NUP210: variants seen among roughly 807,000 people sequenced by gnomAD.
NUP210 encodes nucleoporin 210.
A neutral mutation model predicts 196.0 loss-of-function variants in NUP210; 151 were observed. The ratio of observed to expected loss-of-function variants is 0.77; its 90% CI spans 0.67 to 0.88. The LOEUF (loss-of-function observed/expected upper bound fraction) is 0.88. Ranked by LOEUF, NUP210 falls within the 40% of genes least tolerant of loss-of-function variation. NUP210 has a pLI of 0.00. For synonymous variants in NUP210, 1,070 were observed against 1,052.7 expected, an observed-to-expected ratio of 1.02 and a Z score of -0.32; for missense variants, 2,314 against 2,493.7, an observed-to-expected ratio of 0.93 and a Z score of 1.53.
rs1351814140 is a variant in NUP210, at chr3:13,375,581, T to G, written c.1354A>C (p.Ile452Leu). 5.6e-6 allele frequency: 9 copies of G among 1,613,950 alleles called. No homozygotes were observed. The highest frequency in any genetic ancestry group is 7.6e-6 in the Non-Finnish European group (9 of 1,179,984). Reference sequence around the variant, plus strand: ...ATGCTGGGATACAGGGTGATCGGGATGTGAATTTCCACCTCCTGCTGGTTC... The same window carrying G: ...ATGCTGGGATACAGGGTGATCGGGAGGTGAATTTCCACCTCCTGCTGGTTC... ...VWNQQEVEIH[I>L]PITLYPSILT... The change falls in exon 11 of 40, where the codon ATC becomes CTC. Residue 452 changes from isoleucine (I) to leucine (L), a missense_variant. Physicochemically the swap from Ile to Leu is conservative, Grantham distance 5 (BLOSUM62 2). Transcript: ENST00000254508.
chr3:13,343,484 A>G (rs1210777305), intron 20 of NUP210, among the ~76,000 whole-genome samples, 181 bp from the exon 21 acceptor site: 1 of 152,214 alleles, frequency 6.6e-6, no homozygotes, highest in Non-Finnish European at 1.5e-5. Context: ...AATCACCCCA[A>G]GTAGTGCCCT....
At chr3:13,416,316 A>T (rs2124969671) in intron 1 of NUP210, among the ~76,000 whole-genome samples, 1 of 152,280 alleles carries the variant, frequency 6.6e-6, no homozygotes, top group Non-Finnish European at 1.5e-5. Flanking sequence ...GTTGTTCACC[A>T]GGCAGGTCCA....
rs71066952 is a variant in NUP210 at position 13,401,259 on chromosome 3, C to CAAAAAAAAAAAA, written c.168-1410_168-1399dup. On this transcript the variant is annotated intron_variant, in intron 1 of 39. Transcript: ENST00000254508. ...TGGGCAACAGAGTGAGACTCTGGCT[C>CAAAAAAAAAAAA]AAAAAAAAAAAAAAAAAAAAAGGCA... Among the ~76,000 whole-genome samples the CAAAAAAAAAAAA allele has an allele frequency of 1.9e-3, 83 of 43,808 alleles. 12 individuals carry two copies. The highest frequency in any genetic ancestry group is 4.5e-3 in the African/African-American group (46 of 10,232). The allele number at this position is 43,808 out of a possible 152,430, so 28.7% of individuals were successfully genotyped here. A position where few individuals can be genotyped will look rare whatever the true frequency, so the allele number is the denominator to read the frequency against.
At position 13,339,966 on chromosome 3, in the gene NUP210, G is replaced by A. The variant is rs761847699; in HGVS notation, c.3359C>T (p.Ala1120Val). Reference sequence around the variant, plus strand: ...TACCAGCCCAGCAGCGCTCACCAGCGCAACGCTCTCATTGCTGATGGAGAA... The same window carrying A: ...TACCAGCCCAGCAGCGCTCACCAGCACAACGCTCTCATTGCTGATGGAGAA... ...ILFSISNESV[A>V]LVSAAGLVQG... The change falls in exon 25 of 40, where the codon GCG (alanine) becomes GTG (valine). Residue 1120 changes from alanine to valine, a missense_variant. Coordinates refer to ENST00000254508, the MANE Select transcript of NUP210 (RefSeq NM_024923.4). 1.9e-5 allele frequency: 30 copies of A among 1,613,934 alleles called. No homozygotes were observed. The Admixed American group carries it at 2.0e-4, about 11-fold the overall frequency.
At chr3:13,326,394 C>A (rs547538518) in intron 32 of NUP210, among the ~76,000 whole-genome samples, 1 of 152,262 alleles carries the variant, frequency 6.6e-6, no homozygotes, top group South Asian at 2.1e-4. Context: ...AGAGCTTTCA[C>A]CACATACACA....
In NUP210 at chr3:13,399,812, C is replaced by T. The variant is rs149619749; in HGVS notation, c.217G>A (p.Glu73Lys). 121 of 1,613,312 alleles carry T rather than the reference C, an allele frequency of 7.5e-5. 2 individuals are homozygous for T. In the East Asian group the frequency reaches 2.5e-3, roughly 34 times the overall value. ...ACTGCCTTCTGGGAGCACTGCTGCT[C>T]GTCCAGGCCCAGCGGCTCGATGCTG... Reference protein sequence around the residue: ...VASIEPLGLDEQQCSQKAVVQ... With the variant: ...VASIEPLGLDKQQCSQKAVVQ... The change falls in exon 2 of 40, where the codon GAG becomes AAG. Residue 73 changes from glutamate (E) to lysine (K), a missense_variant. Glu to Lys is a moderately conservative substitution (Grantham distance 56). Coordinates refer to ENST00000254508, the MANE Select transcript of NUP210 (RefSeq NM_024923.4).
chr3:13,362,422 A>T (rs997560244), intron 14 of NUP210, among the ~76,000 whole-genome samples: 4 of 152,180 alleles, frequency 2.6e-5, no homozygotes, highest in Admixed American at 2.0e-4. Context: ...TCTATGAGGA[A>T]GGAAGCCCTC....
chr3:13,333,685 C>T (rs1054878143), intron 28 of NUP210, among the ~76,000 whole-genome samples: 7 of 152,178 alleles, frequency 4.6e-5, no homozygotes, highest in Admixed American at 6.5e-5. Flanking sequence ...TCAGGTGAGA[C>T]GAGGCTGACT....
At chr3:13,345,423 C>T (rs1232805596) in intron 20 of NUP210, among the ~76,000 whole-genome samples, 2 of 152,198 alleles carry the variant, frequency 1.3e-5, no homozygotes, top group Non-Finnish European at 2.9e-5. Flanking sequence ...TCTCCACTTC[C>T]CAGGAGAATG....
rs547771868 is a variant in NUP210, at chr3:13,332,725, T to TCA, written c.3844-343_3844-342dup. On this transcript the variant is annotated intron_variant, in intron 28 of 39. Transcript: ENST00000254508. Reference sequence around the variant, plus strand: ...CTGAGCAACAGAGCAAGACCCTATCTCACACACACACACACACATGGCCAA... The same window carrying TCA: ...CTGAGCAACAGAGCAAGACCCTATCTCACACACACACACACACACATGGCCAA... Among the ~76,000 whole-genome samples, 335 of 106,268 alleles carry TCA rather than the reference T, an allele frequency of 3.2e-3. 2 individuals are homozygous for TCA. The highest frequency in any genetic ancestry group is 0.011 in the African/African-American group (277 of 24,440). 69.7% of individuals were successfully genotyped at this position (106,268 alleles called of 152,430 possible). A position where few individuals can be genotyped will look rare whatever the true frequency, so the allele number is the denominator to read the frequency against.
chr3:13,414,310 G>A (rs1018075523), intron 1 of NUP210, among the ~76,000 whole-genome samples: 2 of 152,226 alleles, frequency 1.3e-5, no homozygotes, highest in African/African-American at 4.8e-5. Flanking sequence ...CAGAGTGGGG[G>A]ACCCACAAAG....
intron 1 of NUP210, among the ~76,000 whole-genome samples, chr3:13,409,840 A>C (rs73813581): frequency 6.8e-6 from 1 of 147,528 alleles, no homozygotes; most frequent in East Asian, 2.0e-4. Flanking sequence ...CTGAATACTA[A>C]TTTTTTTTTT....
In NUP210 at chr3:13,350,135, C is replaced by T. The variant is rs1050936695; in HGVS notation, c.2835+1744G>A. Among the ~76,000 whole-genome samples, 15 of 152,266 alleles carry T rather than the reference C, an allele frequency of 9.9e-5. No homozygotes were observed. The South Asian group carries it at 2.7e-3, about 27-fold the overall frequency. ...GACAAAGGACATACCAAGGTGTTAT[C>T]CCCTAAGAGCAGTATCAGAGACTTC... On this transcript the variant is annotated intron_variant, in intron 20 of 39. Transcript: ENST00000254508. This position sits in a 1 kb window ranked among gnomAD's most constrained non-coding sequence, Gnocchi z 4.1.
chr3:13,418,257 T>C (rs943402576), intron 1 of NUP210, among the ~76,000 whole-genome samples: 3 of 152,248 alleles, frequency 2.0e-5, no homozygotes, highest in African/African-American at 7.2e-5. Flanking sequence ...TGCAATGGGC[T>C]GACCTAGTAC....
chr3:13,391,352 C>A (rs956753129), intron 3 of NUP210, 45 bp from the exon 4 acceptor site: 4 of 1,360,342 alleles, frequency 2.9e-6, no homozygotes, highest in Non-Finnish European at 4.1e-6. Flanking sequence ...GAGTTAATTT[C>A]CCAGGGTGGA....
At chr3:13,419,978 G>T in intron 1 of NUP210, 82 bp downstream of exon 1, 1 of 951,078 alleles carries the variant, frequency 1.1e-6, no homozygotes, top group Non-Finnish European at 1.3e-6. Flanking sequence ...GGCTCTGCCG[G>T]CCTCCCGGCG....
chr3:13,371,721 G>T, intron 13 of NUP210, 113 bp downstream of exon 13: 1 of 933,390 alleles, frequency 1.1e-6, no homozygotes, highest in Non-Finnish European at 1.7e-6. Context: ...TTATGTTGCA[G>T]CCCCTCTGCT....
intron 8 of NUP210, among the ~76,000 whole-genome samples, 164 bp downstream of exon 8, chr3:13,378,748 C>G (rs1001710953): frequency 6.6e-6 from 1 of 152,228 alleles, no homozygotes; most frequent in African/African-American, 2.4e-5. Flanking sequence ...CTACACCAAA[C>G]AGGGAAGGGC....
At chr3:13,368,881 G>A (rs1432753380) in intron 13 of NUP210, among the ~76,000 whole-genome samples, 1 of 152,196 alleles carries the variant, frequency 6.6e-6, no homozygotes, top group African/African-American at 2.4e-5. Flanking sequence ...GAATAACACT[G>A]CCATGAACAT....
Sources: gnomAD v4.1 joint callset for allele counts (sites outside exome capture counted in the v4.1 genomes callset) on GRCh38, gnomAD v4.1.1 for gene constraint, Gnocchi (gnomAD v3.1) non-coding constraint, MANE v1.5 for transcripts, NCBI Gene and HGNC (gene_info 2026-07-23, HGNC 2026-07-21) for gene names.